IL1RAPL1: variants seen among roughly 807,000 people sequenced by gnomAD.
The protein encoded by IL1RAPL1 is interleukin-1 receptor accessory protein-like 1.
IL1RAPL1 carries 3 observed loss-of-function variants against 48.4 expected under a neutral mutation model. The observed-to-expected ratio is 0.06, with a 90% CI of 0.03 to 0.16. The LOEUF (loss-of-function observed/expected upper bound fraction) is 0.16, where lower values mean the gene tolerates loss of function less well. Among genes scored for constraint, IL1RAPL1 ranks in the 10% least tolerant of loss-of-function variants. IL1RAPL1 has a pLI of 1.00. For synonymous variants in IL1RAPL1, 185 were observed against 187.7 expected, an observed-to-expected ratio of 0.99 and a Z score of 0.12; for missense variants, 349 against 530.6, an observed-to-expected ratio of 0.66 and a Z score of 3.36.
chrX:29,395,931 A>T (rs1267419693), intron 3 of IL1RAPL1, among the ~76,000 whole-genome samples: 2 of 112,704 alleles, frequency 1.8e-5, no homozygotes, highest in African/African-American at 6.4e-5. Context: ...GCATAAGCCC[A>T]GGCTTGACTT....
At chrX:29,494,459 T>A (rs1187504838) in intron 5 of IL1RAPL1, among the ~76,000 whole-genome samples, 2 of 112,112 alleles carry the variant, frequency 1.8e-5, no homozygotes, top group Non-Finnish European at 3.8e-5. Context: ...TGGTTTCTTT[T>A]GAAATGTATA....
intron 1 of IL1RAPL1, among the ~76,000 whole-genome samples, chrX:28,677,661 C>T (rs1254787005): frequency 2.7e-5 from 3 of 110,140 alleles, no homozygotes; most frequent in African/African-American, 1.0e-4. Flanking sequence ...GATTTTGGCT[C>T]ACTGTATCCT....
At position 29,612,713 on chromosome X, in the gene IL1RAPL1, G is replaced by A. The variant is rs766121158; in HGVS notation, c.704-55717G>A. Among the ~76,000 whole-genome samples the A allele has an allele frequency of 2.4e-4, 27 of 111,927 alleles. No individual in the cohort carries two copies. The East Asian group carries it at 6.7e-3, about 28-fold the overall frequency. ...GATTTGATTTCACACTTCAACAGTAGTGATCCTTAATTATTACTTAGGAAT... is the reference window on the plus strand; with the variant it reads ...GATTTGATTTCACACTTCAACAGTAATGATCCTTAATTATTACTTAGGAAT... On this transcript the variant is annotated intron_variant, in intron 5 of 10. Transcript: ENST00000378993.
intron 1 of IL1RAPL1, among the ~76,000 whole-genome samples, chrX:28,602,744 G>A (rs1934041777): frequency 2.7e-5 from 3 of 111,036 alleles, no homozygotes; most frequent in African/African-American, 9.8e-5. Context: ...ATTAATTTGG[G>A]TACTCCTGCT....
intron 6 of IL1RAPL1, among the ~76,000 whole-genome samples, chrX:29,848,828 C>T (rs1224016649): frequency 9.0e-6 from 1 of 110,625 alleles, no homozygotes. Flanking sequence ...TGCAGTGGTG[C>T]GATCTCGGCT....
intron 5 of IL1RAPL1, among the ~76,000 whole-genome samples, chrX:29,612,180 C>T (rs1924116297): frequency 9.0e-6 from 1 of 110,894 alleles, no homozygotes; most frequent in East Asian, 2.8e-4. Context: ...GCCTCCTGTC[C>T]GTATCAATTC....
At chrX:29,749,629 T>C (rs1342948305) in intron 6 of IL1RAPL1, among the ~76,000 whole-genome samples, 1 of 111,984 alleles carries the variant, frequency 8.9e-6, no homozygotes, top group Admixed American at 9.5e-5. Flanking sequence ...CCACCACCAA[T>C]AAAATTTCAA....
chrX:29,911,469 G>A (rs1348466512), intron 6 of IL1RAPL1, among the ~76,000 whole-genome samples: 1 of 111,871 alleles, frequency 8.9e-6, no homozygotes, highest in Non-Finnish European at 1.9e-5. Flanking sequence ...TATGTGAATT[G>A]TATCTCAGTA....
chrX:29,146,509 C>T (rs1238891744), intron 2 of IL1RAPL1, among the ~76,000 whole-genome samples: 1 of 111,358 alleles, frequency 9.0e-6, no homozygotes, highest in Non-Finnish European at 1.9e-5. Flanking sequence ...AAAGTAAACT[C>T]TATTAAGGCA....
At chrX:29,664,518 C>A (rs775112096) in intron 5 of IL1RAPL1, among the ~76,000 whole-genome samples, 249 of 110,436 alleles carry the variant, frequency 2.3e-3, no homozygotes, top group African/African-American at 7.8e-3. Flanking sequence ...CAAAATGTAT[C>A]GAATATTCTC....
intron 2 of IL1RAPL1, among the ~76,000 whole-genome samples, chrX:29,021,758 C>CTGTTGCT (rs1163468506): frequency 9.0e-6 from 1 of 111,654 alleles, no homozygotes. Flanking sequence ...ACTTTTAGGA[C>CTGTTGCT]TGTTGCAAAA....
At chrX:29,085,213 T>C (rs977874212) in intron 2 of IL1RAPL1, among the ~76,000 whole-genome samples, 2 of 111,788 alleles carry the variant, frequency 1.8e-5, no homozygotes, top group African/African-American at 6.5e-5. Context: ...GGAGGAATTT[T>C]ATCTAGATAA....
At chrX:29,617,090 C>T (rs186101515) in intron 5 of IL1RAPL1, among the ~76,000 whole-genome samples, 3 of 111,192 alleles carry the variant, frequency 2.7e-5, no homozygotes, top group East Asian at 2.8e-4. Context: ...GAGCATGTAG[C>T]GCTGACTCAC....
intron 2 of IL1RAPL1, among the ~76,000 whole-genome samples, chrX:28,974,550 A>G (rs1199001390): frequency 8.9e-6 from 1 of 111,900 alleles, no homozygotes; most frequent in Non-Finnish European, 1.9e-5. Flanking sequence ...TTCCTTTACT[A>G]CTGTTACTAT....
Position 29,485,202 on chromosome X carries a change from TAATA to T in IL1RAPL1, c.703+85899_703+85902del, listed in dbSNP as rs767870490. Among the ~76,000 whole-genome samples the T allele has an allele frequency of 1.7e-3, 188 of 112,364 alleles. 1 individual carries two copies. The highest frequency in any genetic ancestry group is 2.8e-3 in the Non-Finnish European group (147 of 53,307). On this transcript the variant is annotated intron_variant, in intron 5 of 10. Coordinates refer to ENST00000378993, the MANE Select transcript of IL1RAPL1 (RefSeq NM_014271.4). ...GCTGCAGAAGTATTTTACTTTATTA[TAATA>T]AATATTACAGTATGCATCATGAAAT...
At chrX:29,369,529 A>G (rs747186140) in intron 3 of IL1RAPL1, 25 of 111,458 alleles carry the variant, frequency 2.2e-4, no homozygotes, top group African/African-American at 7.5e-4. Context: ...ATTGATGACT[A>G]TTTGGACAGT....
At chrX:29,051,413 G>A (rs1420015103) in intron 2 of IL1RAPL1, among the ~76,000 whole-genome samples, 1 of 112,234 alleles carries the variant, frequency 8.9e-6, no homozygotes, top group African/African-American at 3.2e-5. Flanking sequence ...GTTTAATGCA[G>A]AATTTTCTTC....
chrX:28,722,858 T>G (rs1935604669), intron 1 of IL1RAPL1, among the ~76,000 whole-genome samples: 1 of 111,582 alleles, frequency 9.0e-6, no homozygotes, highest in Non-Finnish European at 1.9e-5. Flanking sequence ...AATCATGTCG[T>G]TTTTGTCTTT....
intron 2 of IL1RAPL1, among the ~76,000 whole-genome samples, chrX:29,268,475 A>G (rs993966512): frequency 2.5e-4 from 28 of 111,863 alleles, no homozygotes; most frequent in Non-Finnish European, 4.9e-4. Flanking sequence ...AAATACAAAG[A>G]TAAGAACTTG....
Sources: gnomAD v4.1 joint callset for allele counts (sites outside exome capture counted in the v4.1 genomes callset) on GRCh38, gnomAD v4.1.1 for gene constraint, MANE v1.5 for transcripts, NCBI Gene and HGNC (gene_info 2026-07-23, HGNC 2026-07-21) for gene names.